CRACD: variants seen among roughly 807,000 people sequenced by gnomAD.
The protein encoded by CRACD is capping protein inhibiting regulator of actin dynamics, also known as capping protein-inhibiting regulator of actin dynamics.
CRACD carries 56 observed loss-of-function variants against 106.8 expected under a neutral mutation model. The observed-to-expected ratio is 0.52, with a 90% CI of 0.42 to 0.66. The LOEUF (loss-of-function observed/expected upper bound fraction) is 0.66. CRACD is among the 30% of genes least tolerant of loss of function. The pLI, the probability that CRACD is intolerant of heterozygous loss-of-function variation, is 0.00. For synonymous variants in CRACD, 754 were observed against 670.8 expected (o/e 1.12, Z -1.92); for missense variants, 1,730 against 1,623.2 (o/e 1.07, Z -1.13).
In CRACD at chr4:56,254,509, G is replaced by T. The variant is rs151020994; in HGVS notation, c.-188-17812G>T. 2.5e-3 allele frequency among the ~76,000 whole-genome samples: 373 copies of T among 151,840 alleles called. 1 individual carries two copies. Among genetic ancestry groups the T allele is most frequent in the Non-Finnish European group, 4.4e-3 (296 of 67,944 alleles). ...TTTCCTCAACCATGTGAACACTAAG[G>T]TTTTCATTCTGCTACCTCTTGGGTT... On this transcript the variant is annotated intron_variant, in intron 2 of 10. Transcript: ENST00000682029.
intron 1 of CRACD, among the ~76,000 whole-genome samples, chr4:56,055,997 A>G (rs1732046316): frequency 6.6e-6 from 1 of 152,242 alleles, no homozygotes; most frequent in Non-Finnish European, 1.5e-5. Flanking sequence ...ATCTTAATAG[A>G]TAGAAGATAA....
chr4:56,279,897 T>G (rs1742922310), intron 3 of CRACD, among the ~76,000 whole-genome samples: 2 of 151,996 alleles, frequency 1.3e-5, no homozygotes, highest in African/African-American at 4.8e-5. Flanking sequence ...CCAAGCCAAA[T>G]GTCCAACAAT....
intron 2 of CRACD, among the ~76,000 whole-genome samples, chr4:56,251,067 C>G (rs956171152): frequency 1.3e-5 from 2 of 152,140 alleles, no homozygotes; most frequent in Non-Finnish European, 2.9e-5. Context: ...TTTAATGGTT[C>G]CAGAATAGTC....
At chr4:56,205,530 ATG>A (rs771457305) in intron 2 of CRACD, among the ~76,000 whole-genome samples, 5 of 151,424 alleles carry the variant, frequency 3.3e-5, no homozygotes, top group Non-Finnish European at 5.9e-5. Flanking sequence ...TTTTTTTTGT[ATG>A]TGTGTGTGTA....
In CRACD at chr4:56,329,146, T is replaced by C. The variant is rs1048076287; in HGVS notation, c.*1342T>C. ...GACTTGGCAGTTTAAAAGCCACATA[T>C]ATTCACTTTTATTGCCCTAAATTTA... On this transcript the variant is annotated 3_prime_UTR_variant, in exon 11 of 11. Coordinates refer to ENST00000682029, the MANE Select transcript of CRACD (RefSeq NM_001393381.1). 2.6e-5 allele frequency among the ~76,000 whole-genome samples: 4 copies of C among 152,234 alleles called. No individual in the cohort carries two copies. The highest frequency in any genetic ancestry group is 6.5e-5 in the Admixed American group (1 of 15,282).
intron 2 of CRACD, among the ~76,000 whole-genome samples, chr4:56,256,185 A>C (rs1741346358): frequency 6.6e-6 from 1 of 152,226 alleles, no homozygotes; most frequent in South Asian, 2.1e-4. Context: ...GGAGGGACCC[A>C]TTGGAAGATA....
At chr4:56,081,746 C>T (rs747964201) in intron 1 of CRACD, among the ~76,000 whole-genome samples, 10 of 152,024 alleles carry the variant, frequency 6.6e-5, no homozygotes, top group Non-Finnish European at 1.0e-4. Context: ...GAGGCTGAGG[C>T]GGGTGGATCG....
At position 56,263,491 on chromosome 4, in the gene CRACD, C is replaced by A. The variant is rs1362984358; in HGVS notation, c.-188-8830C>A. ...CAATGATTCCTTCTGAGGCCACTTT[C>A]CTTGGTTTGTAGATGGCCATCTTAT... On this transcript the variant is annotated intron_variant, in intron 2 of 10. Coordinates refer to ENST00000682029, the MANE Select transcript of CRACD (RefSeq NM_001393381.1). Among the ~76,000 whole-genome samples, 3 of 152,252 alleles carry A rather than the reference C, an allele frequency of 2.0e-5. No homozygotes were observed. In the East Asian group the frequency reaches 5.8e-4, roughly 29 times the overall value.
intron 2 of CRACD, among the ~76,000 whole-genome samples, chr4:56,244,276 G>A (rs892282933): frequency 6.6e-6 from 1 of 151,802 alleles, no homozygotes; most frequent in African/African-American, 2.4e-5. Flanking sequence ...GATAATGAGG[G>A]GGCCTGGAAG....
At position 56,314,139 on chromosome 4, in the gene CRACD, A is replaced by G. The variant is rs1289298303; in HGVS notation, c.637A>G (p.Asn213Asp). 3 of 1,614,068 alleles carry G rather than the reference A, an allele frequency of 1.9e-6. No homozygotes were observed. Among genetic ancestry groups the G allele is most frequent in the East Asian group, 2.2e-5 (1 of 44,876 alleles). ...GCCAACGTGGCACGAAGAGGAACCC[A>G]ATCCGCTGGATTCCGAGGAAGAGAG... ...DKPTWHEEEP[N>D]PLDSEEERRR... is the part of the protein sequence containing the mutation. The change falls in exon 8 of 11, where the codon AAT becomes GAT. Residue 213 changes from asparagine to aspartate, a missense_variant. Transcript: ENST00000682029. The surrounding 1 kb of genome is among the most constrained non-coding windows in gnomAD (Gnocchi z 4.4).
chr4:56,067,143 C>T (rs913559964), intron 1 of CRACD, among the ~76,000 whole-genome samples: 2 of 151,940 alleles, frequency 1.3e-5, no homozygotes, highest in African/African-American at 4.8e-5. Flanking sequence ...CTTCTAGGAG[C>T]CTCTGTTTCT....
At chr4:56,196,107 A>C (rs1336605743) in intron 2 of CRACD, among the ~76,000 whole-genome samples, 1 of 152,188 alleles carries the variant, frequency 6.6e-6, no homozygotes, top group Middle Eastern at 3.2e-3. Context: ...GTGAATGTGC[A>C]GTTTTTAGAG....
intron 1 of CRACD, among the ~76,000 whole-genome samples, chr4:56,130,690 A>G (rs1381821565): frequency 6.6e-6 from 1 of 152,212 alleles, no homozygotes; most frequent in Non-Finnish European, 1.5e-5. Flanking sequence ...TGGTTAGTAC[A>G]CAATGCTTAG....
chr4:56,127,036 TG>T (rs1734682112), intron 1 of CRACD, among the ~76,000 whole-genome samples: 1 of 152,216 alleles, frequency 6.6e-6, no homozygotes, highest in African/African-American at 2.4e-5. Context: ...GGGGCCTTTT[TG>T]GGAGATGTTT....
rs1460583997 is a variant in CRACD, at chr4:56,314,707, G to A, written c.1205G>A (p.Gly402Glu). Residue 402 changes from glycine to glutamate, a missense_variant, in exon 8 of 11, where the codon GGG becomes GAG. Gly to Glu is a moderately conservative substitution (Grantham distance 98, BLOSUM62 -2). Around this residue, in one of 5 missense-constraint regions of CRACD, gnomAD observed 1,620 missense variants for 1,481.6 expected, o/e 1.09. Transcript: ENST00000682029. This position sits in a 1 kb window ranked among gnomAD's most constrained non-coding sequence, Gnocchi z 4.4. ...CGGGGCGCGGAGGAGGAGGATCTGGGGGAAGAGGAGGAGGAGGGCCAGGCG... is the reference window on the plus strand; with the variant it reads ...CGGGGCGCGGAGGAGGAGGATCTGGAGGAAGAGGAGGAGGAGGGCCAGGCG... ...GRRGAEEEDLGEEEEEGQAHL... is the reference protein window; with the variant it reads ...GRRGAEEEDLEEEEEEGQAHL... 6.4e-7 allele frequency: 1 copy of A among 1,562,026 alleles called. No individual in the cohort carries two copies. Among genetic ancestry groups the A allele is most frequent in the Non-Finnish European group, 8.7e-7 (1 of 1,153,160 alleles).
intron 2 of CRACD, among the ~76,000 whole-genome samples, chr4:56,222,812 G>A (rs1739114915): frequency 6.6e-6 from 1 of 151,424 alleles, no homozygotes; most frequent in Admixed American, 6.6e-5. Flanking sequence ...AAACAAAAAA[G>A]CACCGCAAAA....
chr4:56,312,219 C>A (rs961290721), intron 6 of CRACD, among the ~76,000 whole-genome samples: 5 of 152,120 alleles, frequency 3.3e-5, no homozygotes, highest in Non-Finnish European at 7.3e-5. Context: ...AGAGTGCAGC[C>A]TAGCGATCTC....
At chr4:56,051,312 G>A (rs1731865781) in intron 1 of CRACD, among the ~76,000 whole-genome samples, 1 of 152,220 alleles carries the variant, frequency 6.6e-6, no homozygotes. Flanking sequence ...CAACAACTGT[G>A]TAGAGGTTTT....
chr4:56,238,669 A>G (rs1254591881), intron 2 of CRACD, among the ~76,000 whole-genome samples: 2 of 152,242 alleles, frequency 1.3e-5, no homozygotes, highest in Non-Finnish European at 2.9e-5. Flanking sequence ...GCCACTCCAG[A>G]TACTGTACAG....
Sources: gnomAD v4.1 joint callset for allele counts (sites outside exome capture counted in the v4.1 genomes callset) on GRCh38, gnomAD v4.1.1 for gene constraint, gnomAD v4.1.1 regional missense constraint, Gnocchi (gnomAD v3.1) non-coding constraint, MANE v1.5 for transcripts, NCBI Gene and HGNC (gene_info 2026-07-23, HGNC 2026-07-21) for gene names.